DCC: variants seen among roughly 807,000 people sequenced by gnomAD.
DCC encodes the protein DCC netrin 1 receptor.
DCC carries 58 observed loss-of-function variants against 172.5 expected under a neutral mutation model. The observed-to-expected ratio is 0.34, with a 90% CI of 0.27 to 0.42. The LOEUF (loss-of-function observed/expected upper bound fraction) is 0.42, where lower values mean the gene tolerates loss of function less well. DCC is among the 10% of genes least tolerant of loss of function. The pLI is 1.00. For missense variants in DCC, 1,740 were observed against 1,791.0 expected (o/e 0.97, Z 0.51); for synonymous variants, 709 against 644.5 (o/e 1.10, Z -1.52).
chr18:52,793,542 C>T (rs1404325050), intron 2 of DCC, among the ~76,000 whole-genome samples: 2 of 152,090 alleles, frequency 1.3e-5, no homozygotes, highest in African/African-American at 2.4e-5. Context: ...AGATATGAAT[C>T]CCTAGTCAGA....
intron 7 of DCC, among the ~76,000 whole-genome samples, chr18:53,126,699 G>A (rs2043562116): frequency 6.6e-6 from 1 of 152,096 alleles, no homozygotes; most frequent in Non-Finnish European, 1.5e-5. Flanking sequence ...TAAAGTTCGT[G>A]TTCTTTGTTG....
chr18:52,935,398 G>A (rs1480470282), intron 5 of DCC, among the ~76,000 whole-genome samples: 1 of 151,908 alleles, frequency 6.6e-6, no homozygotes, highest in Non-Finnish European at 1.5e-5. Context: ...ATCATTAACT[G>A]TGATGAAATT....
intron 22 of DCC, among the ~76,000 whole-genome samples, chr18:53,442,780 A>G (rs1002281954): frequency 1.3e-5 from 2 of 152,244 alleles, no homozygotes; most frequent in Admixed American, 6.5e-5. Context: ...GAACCCATGA[A>G]TGATAAGAAA....
intron 12 of DCC, among the ~76,000 whole-genome samples, chr18:53,217,831 T>C (rs754542762): frequency 1.4e-4 from 22 of 152,046 alleles, no homozygotes; most frequent in Non-Finnish European, 2.9e-4. Context: ...ACTAACAGAA[T>C]TCCAGGGTGT....
intron 8 of DCC, among the ~76,000 whole-genome samples, chr18:53,162,298 C>CAAAAAAAAAAAAAAAAAAA (rs59626358): frequency 1.7e-5 from 2 of 114,780 alleles, no homozygotes; most frequent in African/African-American, 6.4e-5. Context: ...GACTCTGCCT[C>CAAAAAAAAAAAAAAAAAAA]AAAAAAAAAA....
intron 1 of DCC, among the ~76,000 whole-genome samples, chr18:52,642,455 C>T (rs991778519): frequency 6.6e-6 from 1 of 151,904 alleles, no homozygotes. Flanking sequence ...CCACCTGTTC[C>T]CCAATAACCT....
chr18:53,294,987 T>C lies in DCC; in HGVS notation c.1912-10591T>C, dbSNP rs186187246. 2.9e-3 allele frequency among the ~76,000 whole-genome samples: 446 copies of C among 152,330 alleles called. 4 individuals carry two copies. The highest frequency in any genetic ancestry group is 0.022 in the Admixed American group (337 of 15,294). On this transcript the variant is annotated intron_variant, in intron 12 of 28. Coordinates refer to ENST00000442544, the MANE Select transcript of DCC (RefSeq NM_005215.4). The stretch of plus-strand genomic sequence containing the variant: ...TAAATAAAATCACAACAGCTTAGCC[T>C]TTATTTTTTTTAACAAAGTAACATT...
At chr18:52,539,682 T>G (rs2144699253) in intron 1 of DCC, among the ~76,000 whole-genome samples, 1 of 152,276 alleles carries the variant, frequency 6.6e-6, no homozygotes, top group South Asian at 2.1e-4. Context: ...ACCAATTATA[T>G]TTGGAACTGC....
intron 12 of DCC, among the ~76,000 whole-genome samples, chr18:53,276,887 A>G (rs2056812523): frequency 1.3e-5 from 2 of 152,276 alleles, no homozygotes; most frequent in Admixed American, 6.5e-5. Context: ...AACCAGGACC[A>G]TAGAGTCACA....
At chr18:52,595,995 G>A (rs2033903042) in intron 1 of DCC, among the ~76,000 whole-genome samples, 1 of 152,146 alleles carries the variant, frequency 6.6e-6, no homozygotes, top group Non-Finnish European at 1.5e-5. Flanking sequence ...ACTAGCATTT[G>A]TATCCATATT....
intron 2 of DCC, among the ~76,000 whole-genome samples, chr18:52,780,185 T>C (rs2037510964): frequency 6.6e-6 from 1 of 152,202 alleles, no homozygotes; most frequent in Non-Finnish European, 1.5e-5. Flanking sequence ...TTTAGTTGAA[T>C]TTCATCTGTT....
At chr18:52,761,730 T>C (rs1289217706) in intron 2 of DCC, among the ~76,000 whole-genome samples, 1 of 151,912 alleles carries the variant, frequency 6.6e-6, no homozygotes, top group Non-Finnish European at 1.5e-5. Flanking sequence ...GACAGAGCCT[T>C]AGCCTCAAAG....
At chr18:52,415,788 T>C (rs191692908) in intron 1 of DCC, among the ~76,000 whole-genome samples, 11 of 151,932 alleles carry the variant, frequency 7.2e-5, no homozygotes, top group East Asian at 5.8e-4. Context: ...ATCTTGCTAG[T>C]GGTCTATCAA....
At chr18:53,140,689 T>G (rs2043816986) in intron 7 of DCC, among the ~76,000 whole-genome samples, 3 of 151,912 alleles carry the variant, frequency 2.0e-5, no homozygotes, top group African/African-American at 7.3e-5. Context: ...AGACAAAAAA[T>G]TGATTTTTGT....
At chr18:53,291,413 C>T (rs1054788985) in intron 12 of DCC, among the ~76,000 whole-genome samples, 5 of 152,042 alleles carry the variant, frequency 3.3e-5, no homozygotes, top group African/African-American at 1.2e-4. Flanking sequence ...GTATTTAAAC[C>T]TTCTTTCTCT....
chr18:52,971,569 AGAG>A (rs2041031336), intron 5 of DCC, among the ~76,000 whole-genome samples: 1 of 151,970 alleles, frequency 6.6e-6, no homozygotes, highest in Non-Finnish European at 1.5e-5. Flanking sequence ...ACCTCTTGGC[AGAG>A]GAGATTATAG....
chr18:53,071,847 G>A (rs2042655625), intron 7 of DCC, among the ~76,000 whole-genome samples: 1 of 152,142 alleles, frequency 6.6e-6, no homozygotes, highest in African/African-American at 2.4e-5. Context: ...AATGTGTTAG[G>A]ACTGGGTGCA....
At chr18:52,397,546 T>C (rs1986277455) in intron 1 of DCC, among the ~76,000 whole-genome samples, 1 of 152,018 alleles carries the variant, frequency 6.6e-6, no homozygotes, top group South Asian at 2.1e-4. Context: ...ATAACAGTAT[T>C]GCTGTTGGCC....
chr18:52,765,761 C>A (rs192206580), intron 2 of DCC, among the ~76,000 whole-genome samples: 3 of 152,248 alleles, frequency 2.0e-5, no homozygotes, highest in Admixed American at 2.0e-4. Flanking sequence ...TGGGGTAACA[C>A]GGTGGTTAGG....
Sources: gnomAD v4.1 joint callset for allele counts (sites outside exome capture counted in the v4.1 genomes callset) on GRCh38, gnomAD v4.1.1 for gene constraint, MANE v1.5 for transcripts, NCBI Gene and HGNC (gene_info 2026-07-23, HGNC 2026-07-21) for gene names.